Variants in CASK observed in about 807,000 individuals in gnomAD.
CASK encodes peripheral plasma membrane protein CASK.
CASK carries 4 observed loss-of-function variants against 82.9 expected under a neutral mutation model. The observed-to-expected ratio is 0.05, with a 90% CI of 0.02 to 0.11. The LOEUF is 0.11. CASK is among the 10% of genes least tolerant of loss of function. CASK has a pLI of 1.00. For missense variants in CASK, 358 were observed against 720.9 expected, an observed-to-expected ratio of 0.50 and a Z score of 5.76; for synonymous variants, 259 against 253.5, an observed-to-expected ratio of 1.02 and a Z score of -0.20.
At chrX:41,815,310 G>C (rs2070390824) in intron 2 of CASK, among the ~76,000 whole-genome samples, 1 of 111,250 alleles carries the variant, frequency 9.0e-6, no homozygotes, top group Non-Finnish European at 1.9e-5. Context: ...GGCTATTCTA[G>C]ATATAGTCTA....
At chrX:41,546,053 C>T (rs1381534170) in intron 21 of CASK, among the ~76,000 whole-genome samples, 1 of 110,658 alleles carries the variant, frequency 9.0e-6, no homozygotes, top group Non-Finnish European at 1.9e-5. Flanking sequence ...CTCACTGAAA[C>T]CTCCGTCCTC....
At chrX:41,621,195 G>A (rs1302896080) in intron 11 of CASK, among the ~76,000 whole-genome samples, 3 of 110,695 alleles carry the variant, frequency 2.7e-5, no homozygotes, top group Non-Finnish European at 5.7e-5. Flanking sequence ...TAATTTGTAC[G>A]TGGTGGGCAG....
rs774334815 is a variant in CASK at position 41,840,984 on chromosome X, CAAAT to C, written c.172+12127_172+12130del. Among the ~76,000 whole-genome samples the C allele has an allele frequency of 5.0e-4, 56 of 112,108 alleles. 1 individual carries two copies. In the East Asian group the frequency reaches 0.013, roughly 26 times the overall value. On this transcript the variant is annotated intron_variant, in intron 2 of 26. Coordinates refer to ENST00000378163, the MANE Select transcript of CASK (RefSeq NM_001367721.1). ...GGTTTGTTTCCACATTTGCCTGCTACAAATAATGCTGCAATGACTATTCATGTAC... is the reference window on the plus strand; with the variant it reads ...GGTTTGTTTCCACATTTGCCTGCTACAATGCTGCAATGACTATTCATGTAC...
chrX:41,618,384 C>T (rs911499535), intron 11 of CASK, among the ~76,000 whole-genome samples: 1 of 111,190 alleles, frequency 9.0e-6, no homozygotes, highest in African/African-American at 3.3e-5. Flanking sequence ...ACTGCAGCCT[C>T]GACCTTCTGG....
intron 15 of CASK, among the ~76,000 whole-genome samples, chrX:41,576,036 G>A (rs745773730): frequency 8.3e-5 from 9 of 108,185 alleles, no homozygotes; most frequent in African/African-American, 1.7e-4. Context: ...GTGCAGTGGC[G>A]CGATCTCGGC....
At chrX:41,639,648 G>C (rs1030755505) in intron 8 of CASK, among the ~76,000 whole-genome samples, 1 of 111,169 alleles carries the variant, frequency 9.0e-6, no homozygotes, top group African/African-American at 3.3e-5. Context: ...AATTTGATAA[G>C]TTTTGACATA....
chrX:41,550,733 CAA>C (rs1251401309), intron 21 of CASK, among the ~76,000 whole-genome samples: 12 of 59,330 alleles, frequency 2.0e-4, no homozygotes, highest in African/African-American at 3.7e-4. Context: ...CTCATCTCTA[CAA>C]AAAAAAAAAA....
In CASK at chrX:41,636,998, G is replaced by A. The variant is rs191921881; in HGVS notation, c.832-337C>T. 3.4e-3 allele frequency among the ~76,000 whole-genome samples: 372 copies of A among 110,210 alleles called. 1 individual carries two copies. The highest frequency in any genetic ancestry group is 0.011 in the African/African-American group (346 of 30,333). On this transcript the variant is annotated intron_variant, in intron 8 of 26. Transcript: ENST00000378163. ...TTTTGAGACAGGGTTTCACTCTGTCGCCCAGGTTGGCGTGCAGTGGCACAA... is the reference window on the plus strand; with the variant it reads ...TTTTGAGACAGGGTTTCACTCTGTCACCCAGGTTGGCGTGCAGTGGCACAA...
At chrX:41,867,593 C>T (rs1233063853) in intron 1 of CASK, among the ~76,000 whole-genome samples, 2 of 112,213 alleles carry the variant, frequency 1.8e-5, no homozygotes, top group Non-Finnish European at 3.8e-5. Context: ...ATTCAAAATC[C>T]TTCCAGTGAT....
chrX:41,823,336 C>T (rs773458083), intron 2 of CASK, among the ~76,000 whole-genome samples: 64 of 106,814 alleles, frequency 6.0e-4, no homozygotes, highest in African/African-American at 2.2e-3. Context: ...TTTCTTTCCT[C>T]TTAGCTCTCT....
At chrX:41,829,732 T>TATATAC (rs1176604591) in intron 2 of CASK, among the ~76,000 whole-genome samples, 18 of 33,509 alleles carry the variant, frequency 5.4e-4, no homozygotes, top group South Asian at 1.6e-3. Flanking sequence ...TATATATATA[T>TATATAC]ATATATATAT....
chrX:41,671,762 G>C (rs780328864), intron 5 of CASK, among the ~76,000 whole-genome samples: 50 of 112,099 alleles, frequency 4.5e-4, no homozygotes, highest in African/African-American at 1.6e-3. Flanking sequence ...TTATTTGCTT[G>C]TAAGGTTAGA....
intron 1 of CASK, among the ~76,000 whole-genome samples, chrX:41,876,983 C>T (rs1008340987): frequency 9.0e-6 from 1 of 111,692 alleles, no homozygotes; most frequent in Non-Finnish European, 1.9e-5. Context: ...TACGGGTGTC[C>T]AGTTCTAGCT....
intron 16 of CASK, among the ~76,000 whole-genome samples, chrX:41,563,120 G>A (rs767853071): frequency 1.7e-4 from 18 of 104,036 alleles, no homozygotes; most frequent in Middle Eastern, 0.01. Context: ...CAGTGTTTTC[G>A]GAGGCTGAGT....
At chrX:41,864,635 C>G (rs2071555226) in intron 1 of CASK, among the ~76,000 whole-genome samples, 1 of 111,952 alleles carries the variant, frequency 8.9e-6, no homozygotes, top group Non-Finnish European at 1.9e-5. Flanking sequence ...TATTCCCTAC[C>G]CAAATGTGGC....
At chrX:41,612,120 C>T (rs2066070392) in intron 11 of CASK, among the ~76,000 whole-genome samples, 1 of 111,881 alleles carries the variant, frequency 8.9e-6, no homozygotes, top group Non-Finnish European at 1.9e-5. Flanking sequence ...CCGGCCGCCA[C>T]CCCGTCTGGG....
intron 2 of CASK, among the ~76,000 whole-genome samples, chrX:41,841,169 T>C (rs1388348263): frequency 8.9e-6 from 1 of 112,198 alleles, no homozygotes; most frequent in Non-Finnish European, 1.9e-5. Flanking sequence ...CAATTTATGA[T>C]GGTTCCAAAT....
chrX:41,878,955 A>G (rs1251172286), intron 1 of CASK, among the ~76,000 whole-genome samples: 1 of 111,724 alleles, frequency 9.0e-6, no homozygotes, highest in Non-Finnish European at 1.9e-5. Context: ...CTCAGCAGAG[A>G]TAATTTTATA....
rs1376909247 is a variant in CASK at position 41,582,566 on chromosome X, G to A, written c.1315-4038C>T. ...CTGACCTCGTGATCCGTCCACCTTG[G>A]CCTCCCAGAATGCTGGGATTACAGG... On this transcript the variant is annotated intron_variant, in intron 14 of 26. Coordinates refer to ENST00000378163, the MANE Select transcript of CASK (RefSeq NM_001367721.1). Among the ~76,000 whole-genome samples, 3 of 111,267 alleles carry A rather than the reference G, an allele frequency of 2.7e-5. No homozygotes were observed. In the East Asian group the frequency reaches 8.4e-4, roughly 31 times the overall value.
Sources: gnomAD v4.1 joint callset for allele counts (sites outside exome capture counted in the v4.1 genomes callset) on GRCh38, gnomAD v4.1.1 for gene constraint, MANE v1.5 for transcripts, NCBI Gene and HGNC (gene_info 2026-07-23, HGNC 2026-07-21) for gene names.